Variants in GNAL observed in about 807,000 individuals in gnomAD.
GNAL encodes the protein guanine nucleotide-binding protein G(olf) subunit alpha.
A neutral mutation model predicts 55.1 loss-of-function variants in GNAL; 18 were observed. The ratio of observed to expected loss-of-function variants is 0.33; its 90% CI spans 0.23 to 0.48. The LOEUF (loss-of-function observed/expected upper bound fraction) is 0.48. Among genes scored for constraint, GNAL ranks in the 20% least tolerant of loss-of-function variants. GNAL has a pLI of 0.99. For missense variants in GNAL, 412 were observed against 614.1 expected, an observed-to-expected ratio of 0.67 and a Z score of 3.48; for synonymous variants, 253 against 237.0, an observed-to-expected ratio of 1.07 and a Z score of -0.62.
intron 4 of GNAL, among the ~76,000 whole-genome samples, chr18:11,818,496 G>A (rs868295360): frequency 3.4e-5 from 5 of 148,050 alleles, no homozygotes; most frequent in East Asian, 4.4e-4. Flanking sequence ...CTAGGTTCCC[G>A]TAAAAGGTTA....
chr18:11,847,572 T>C (rs970226910), intron 5 of GNAL, among the ~76,000 whole-genome samples: 5 of 152,138 alleles, frequency 3.3e-5, no homozygotes, highest in African/African-American at 9.7e-5. Flanking sequence ...CATTTCATGA[T>C]AAAAATAATT....
chr18:11,727,163 C>A (rs1364631), intron 1 of GNAL, among the ~76,000 whole-genome samples: 93,005 of 151,810 alleles, frequency 0.61, 31,401 homozygotes, highest in Admixed American at 0.74. Context: ...CCACTACCAC[C>A]CTGCCCAGCC....
rs1254112125 is a variant in GNAL at position 11,752,615 on chromosome 18, G to C, written c.377-238G>C. The C allele has an allele frequency of 6.4e-7, 1 of 1,562,018 alleles. No homozygotes were observed. Among genetic ancestry groups the C allele is most frequent in the Admixed American group, 2.0e-5 (1 of 49,400 alleles). ...GGGCGCGCGGCGGCTCCCGGCCCCA[G>C]CGGAGCGCACAGCCAGGAGCGGCGA... On this transcript the variant is annotated intron_variant, in intron 1 of 11. Transcript: ENST00000334049. This position sits in a 1 kb window ranked among gnomAD's most constrained non-coding sequence, Gnocchi z 4.5.
intron 4 of GNAL, among the ~76,000 whole-genome samples, chr18:11,822,362 C>T (rs560867363): frequency 1.3e-5 from 2 of 152,160 alleles, no homozygotes; most frequent in Admixed American, 6.5e-5. Flanking sequence ...CCCCGCTGCT[C>T]GGGAGCCTGA....
intron 5 of GNAL, among the ~76,000 whole-genome samples, chr18:11,858,128 T>C (rs765519008): frequency 2.6e-5 from 4 of 152,224 alleles, no homozygotes; most frequent in Non-Finnish European, 2.9e-5. Context: ...ATAAGAATTC[T>C]TTGACGCCAA....
chr18:11,865,539 C>T (rs896259463), intron 7 of GNAL, among the ~76,000 whole-genome samples: 2 of 146,654 alleles, frequency 1.4e-5, no homozygotes, highest in South Asian at 2.1e-4. Context: ...TGCTTGAGAC[C>T]GGGTGTTCAA....
At chr18:11,767,421 G>T (rs7229968) in intron 4 of GNAL, among the ~76,000 whole-genome samples, 14,575 of 149,718 alleles carry the variant, frequency 0.097, 781 homozygotes, top group Middle Eastern at 0.15. Flanking sequence ...TACCCCTGCC[G>T]CTGTGCACCC....
intron 4 of GNAL, among the ~76,000 whole-genome samples, chr18:11,758,889 T>C (rs1012053841): frequency 1.3e-5 from 2 of 152,134 alleles, no homozygotes; most frequent in Admixed American, 1.3e-4. Flanking sequence ...ATAGGAAAAA[T>C]AGGCCGGGCA....
rs534242969 is a variant in GNAL at position 11,854,205 on chromosome 18, CT to C, written c.723-8186del. 1.4e-4 allele frequency: 24 copies of C among 167,108 alleles called. No individual in the cohort carries two copies. In the South Asian group the frequency reaches 5.0e-3, roughly 35 times the overall value. 10.4% of individuals were successfully genotyped at this position (167,108 alleles called of 1,614,324 possible). Reference sequence around the variant, plus strand: ...TGAACCCTTTGGTAAACTAAAGACCCTTTTATAATGCACATATTCCCAACAA... The same window carrying C: ...TGAACCCTTTGGTAAACTAAAGACCCTTTATAATGCACATATTCCCAACAA... On this transcript the variant is annotated intron_variant, in intron 5 of 11. Coordinates refer to ENST00000334049, the MANE Select transcript of GNAL (RefSeq NM_182978.4).
At chr18:11,698,938 A>C (rs1365958634) in intron 1 of GNAL, among the ~76,000 whole-genome samples, 1 of 138,288 alleles carries the variant, frequency 7.2e-6, no homozygotes, top group Non-Finnish European at 1.5e-5. Context: ...AGTTGAGACC[A>C]AGAGACCTAG....
intron 4 of GNAL, among the ~76,000 whole-genome samples, chr18:11,754,416 T>C (rs1356224174): frequency 6.9e-6 from 1 of 145,300 alleles, no homozygotes; most frequent in African/African-American, 2.6e-5. Context: ...GACTCCCATC[T>C]CAAAAAAAAA....
chr18:11,712,058 C>T (rs941294616), intron 1 of GNAL, among the ~76,000 whole-genome samples: 4 of 152,188 alleles, frequency 2.6e-5, no homozygotes. Context: ...TCTTCTCCCT[C>T]CCTCCGTGGG....
At chr18:11,880,661 T>C (rs1028831562) in intron 11 of GNAL, among the ~76,000 whole-genome samples, 1 of 152,202 alleles carries the variant, frequency 6.6e-6, no homozygotes, top group Admixed American at 6.5e-5. Context: ...GACTATCATA[T>C]TGGCAGGGCA....
chr18:11,807,524 G>T (rs754881949), intron 4 of GNAL, among the ~76,000 whole-genome samples: 1 of 152,230 alleles, frequency 6.6e-6, no homozygotes, highest in Non-Finnish European at 1.5e-5. Context: ...GCCGGGCCGT[G>T]GGGGGAAACC....
chr18:11,854,235 T>C (rs866669516), intron 5 of GNAL: 3 of 167,210 alleles, frequency 1.8e-5, no homozygotes, highest in Non-Finnish European at 4.4e-5. Context: ...CCAACAAAAT[T>C]AATATATTTT....
At chr18:11,856,377 G>A (rs2036008578) in intron 5 of GNAL, among the ~76,000 whole-genome samples, 1 of 151,318 alleles carries the variant, frequency 6.6e-6, no homozygotes, top group African/African-American at 2.5e-5. Flanking sequence ...TGGGCTCCTT[G>A]CACTGCATAG....
intron 1 of GNAL, among the ~76,000 whole-genome samples, chr18:11,717,142 C>T (rs2031987756): frequency 6.6e-6 from 1 of 152,220 alleles, no homozygotes; most frequent in African/African-American, 2.4e-5. Flanking sequence ...AGCTGCTGGC[C>T]CAGGTGCTAA....
chr18:11,857,995 C>T (rs773777899), intron 5 of GNAL, among the ~76,000 whole-genome samples: 12 of 152,150 alleles, frequency 7.9e-5, no homozygotes, highest in Non-Finnish European at 1.5e-4. Context: ...ATTTTAAATA[C>T]ATGGAAATTC....
At chr18:11,857,437 G>T (rs1294122984) in intron 5 of GNAL, 1 of 973,934 alleles carries the variant, frequency 1.0e-6, no homozygotes, top group African/African-American at 1.8e-5. Context: ...TTCACGTGAT[G>T]TTAAAAGAGA....
Sources: gnomAD v4.1 joint callset for allele counts (sites outside exome capture counted in the v4.1 genomes callset) on GRCh38, gnomAD v4.1.1 for gene constraint, Gnocchi (gnomAD v3.1) non-coding constraint, MANE v1.5 for transcripts, NCBI Gene and HGNC (gene_info 2026-07-23, HGNC 2026-07-21) for gene names.